Variants in PLCG2 observed in about 807,000 individuals in gnomAD.
PLCG2 encodes 1-phosphatidylinositol 4,5-bisphosphate phosphodiesterase gamma-2.
Under a neutral mutation model 175.6 loss-of-function variants are expected in PLCG2, and 69 were observed. The observed-to-expected ratio is 0.39, with a 90% CI of 0.32 to 0.48. The LOEUF is 0.48. PLCG2 is among the 20% of genes least tolerant of loss of function. The probability of loss-of-function intolerance (pLI) is 0.91; values close to 1 mark genes in which losing one functional copy is unlikely to be tolerated. For missense variants in PLCG2, 1,798 were observed against 1,650.9 expected (o/e 1.09, Z -1.54); for synonymous variants, 827 against 624.0 (o/e 1.33, Z -4.85).
intron 9 of PLCG2, among the ~76,000 whole-genome samples, chr16:81,885,015 A>C (rs1908285852): frequency 6.6e-6 from 1 of 151,506 alleles, no homozygotes; most frequent in Admixed American, 6.6e-5. Context: ...AGCCTCCCGA[A>C]TAGCTGGGAC....
intron 1 of PLCG2, among the ~76,000 whole-genome samples, chr16:81,782,496 T>C (rs1203507317): frequency 2.6e-5 from 4 of 152,200 alleles, no homozygotes; most frequent in Non-Finnish European, 5.9e-5. Context: ...CCTGCCATAG[T>C]TGATAAAGCG....
At chr16:81,795,402 G>C (rs370075775) in intron 2 of PLCG2, among the ~76,000 whole-genome samples, 93 of 152,170 alleles carry the variant, frequency 6.1e-4, no homozygotes, top group African/African-American at 2.1e-3. Context: ...CTGGCATAGG[G>C]CATAGCAACA....
intron 2 of PLCG2, among the ~76,000 whole-genome samples, chr16:81,760,735 AC>A (rs1225268603): frequency 7.5e-6 from 1 of 133,388 alleles, no homozygotes; most frequent in Non-Finnish European, 1.6e-5. Context: ...ACATAGTGAG[AC>A]CCCGTCTCTA....
At position 81,959,966 on chromosome 16, in the gene PLCG2, G is replaced by T. The variant is rs1221338542; in HGVS notation, c.*1968G>T. 4.9e-6 allele frequency: 1 copy of T among 205,376 alleles called. No homozygotes were observed. The highest frequency in any genetic ancestry group is 2.3e-5 in the African/African-American group (1 of 43,738). 12.7% of individuals were successfully genotyped at this position (205,376 alleles called of 1,614,324 possible). On this transcript the variant is annotated 3_prime_UTR_variant, in exon 33 of 33. Coordinates refer to ENST00000564138, the MANE Select transcript of PLCG2 (RefSeq NM_002661.5). ...ATGGGTTTTTTGCTACCATATCAAA[G>T]AACCTGACATATGGCGGCATAGGAA... is the stretch of plus-strand genomic sequence containing the variant.
At chr16:81,941,916 G>C (rs1384437143) in intron 30 of PLCG2, among the ~76,000 whole-genome samples, 1 of 152,156 alleles carries the variant, frequency 6.6e-6, no homozygotes, top group Non-Finnish European at 1.5e-5. Context: ...GTGAACCACT[G>C]TGCCTGGCCT....
intron 13 of PLCG2, among the ~76,000 whole-genome samples, chr16:81,897,109 C>G (rs958964292): frequency 1.3e-5 from 2 of 152,218 alleles, no homozygotes; most frequent in African/African-American, 4.8e-5. Flanking sequence ...GGCTGTGTTC[C>G]AGTTAAAACT....
intron 31 of PLCG2, among the ~76,000 whole-genome samples, chr16:81,953,241 G>A (rs527388647): frequency 2.2e-4 from 33 of 152,336 alleles, no homozygotes; most frequent in Non-Finnish European, 3.5e-4. Flanking sequence ...TGTGGGAACA[G>A]GAAAAGGAGA....
intron 2 of PLCG2, among the ~76,000 whole-genome samples, chr16:81,831,365 T>C (rs977807388): frequency 5.3e-5 from 8 of 152,306 alleles, no homozygotes; most frequent in Middle Eastern, 3.4e-3. Context: ...GTGACCATCA[T>C]CGTGAGAATC....
chr16:81,802,469 C>G (rs1911776251), intron 2 of PLCG2, among the ~76,000 whole-genome samples: 1 of 151,974 alleles, frequency 6.6e-6, no homozygotes. Context: ...CCAAGTGTTC[C>G]CAGTAGATGC....
chr16:81,954,986 G>A (rs951378638), intron 31 of PLCG2, among the ~76,000 whole-genome samples: 4 of 152,056 alleles, frequency 2.6e-5, no homozygotes, highest in African/African-American at 9.7e-5. Context: ...TTTCTCCACA[G>A]CCTCGCCAGC....
At chr16:81,740,054 C>G (rs1909551364) in intron 1 of PLCG2, among the ~76,000 whole-genome samples, 1 of 142,192 alleles carries the variant, frequency 7.0e-6, no homozygotes, top group Non-Finnish European at 1.5e-5. Flanking sequence ...AGGAGAATCA[C>G]TTGAGCCTGG....
chr16:81,814,770 C>T (rs1021976070), intron 2 of PLCG2, among the ~76,000 whole-genome samples: 3 of 152,158 alleles, frequency 2.0e-5, no homozygotes, highest in Non-Finnish European at 4.4e-5. Flanking sequence ...GGCTTTTGTC[C>T]TGTCTCACTG....
intron 2 of PLCG2, among the ~76,000 whole-genome samples, chr16:81,770,961 G>A (rs1910266172): frequency 6.6e-6 from 1 of 151,870 alleles, no homozygotes; most frequent in Non-Finnish European, 1.5e-5. Context: ...GGGAGGCTGA[G>A]GCAGGAGAAT....
intron 3 of PLCG2, among the ~76,000 whole-genome samples, chr16:81,856,347 ACCT>A (rs545691356): frequency 7.7e-4 from 117 of 152,156 alleles, no homozygotes; most frequent in African/African-American, 2.8e-3. Flanking sequence ...GGGTTAAGTA[ACCT>A]CCTGAATGTT....
chr16:81,827,152 G>A (rs1455039257), intron 2 of PLCG2, among the ~76,000 whole-genome samples: 1 of 151,538 alleles, frequency 6.6e-6, no homozygotes, highest in African/African-American at 2.4e-5. Context: ...GTGTGGTAAG[G>A]TGCATGGTTA....
At chr16:81,836,656 G>A (rs375974370) in intron 2 of PLCG2, among the ~76,000 whole-genome samples, 4 of 152,146 alleles carry the variant, frequency 2.6e-5, no homozygotes, top group African/African-American at 9.7e-5. Flanking sequence ...CAGGAGAATC[G>A]CTTGAACTCA....
Position 81,962,403 on chromosome 16 carries a change from C to T in PLCG2, c.*4405C>T, listed in dbSNP as rs1911810933. 1 of 212,248 alleles carries T rather than the reference C, an allele frequency of 4.7e-6. No homozygotes were observed. Among genetic ancestry groups the T allele is most frequent in the African/African-American group, 2.3e-5 (1 of 44,158 alleles). The allele number at this position is 212,248 out of a possible 1,614,324, so 13.1% of individuals were successfully genotyped here. A position where few individuals can be genotyped will look rare whatever the true frequency, so the allele number is the denominator to read the frequency against. Reference sequence around the variant, plus strand: ...ATTTAAAAATACTCAATAATTTGTCCCTGGTTTTTAATTTTCAAAATATTT... The same window carrying T: ...ATTTAAAAATACTCAATAATTTGTCTCTGGTTTTTAATTTTCAAAATATTT... On this transcript the variant is annotated 3_prime_UTR_variant, in exon 33 of 33. Transcript: ENST00000564138.
chr16:81,797,557 C>G (rs1022103553), intron 2 of PLCG2, among the ~76,000 whole-genome samples: 2 of 152,242 alleles, frequency 1.3e-5, no homozygotes, highest in Non-Finnish European at 2.9e-5. Context: ...ATAAGGGGGA[C>G]TTCCCAGCAC....
chr16:81,751,260 C>T (rs551712558), intron 1 of PLCG2, among the ~76,000 whole-genome samples: 1 of 152,252 alleles, frequency 6.6e-6, no homozygotes, highest in Admixed American at 6.5e-5. Context: ...GGATTACAGG[C>T]ATGAGCCACT....
Sources: allele counts gnomAD v4.1 joint callset (sites outside exome capture counted in the v4.1 genomes callset), GRCh38; gene constraint gnomAD v4.1.1; transcripts MANE v1.5; gene names NCBI Gene and HGNC (gene_info 2026-07-23, HGNC 2026-07-21).